FRZB: variants seen among roughly 807,000 people sequenced by gnomAD.
The protein encoded by FRZB is frizzled related protein.
FRZB carries 34 observed loss-of-function variants against 32.5 expected under a neutral mutation model. The ratio of observed to expected loss-of-function variants is 1.05; its 90% CI spans 0.80 to 1.39. FRZB has a LOEUF of 1.39. FRZB is among the 40% of genes most tolerant of loss of function. FRZB has a pLI of 0.00. For missense variants in FRZB, 423 were observed against 424.8 expected, an observed-to-expected ratio of 1.00 and a Z score of 0.04; for synonymous variants, 170 against 159.2, an observed-to-expected ratio of 1.07 and a Z score of -0.51.
intron 2 of FRZB, among the ~76,000 whole-genome samples, chr2:182,848,070 T>TA (rs11361784): frequency 0.04 from 5,576 of 139,758 alleles, 138 homozygotes; most frequent in South Asian, 0.12. Context: ...CTCAACATGG[T>TA]AAAAAAAAAA....
At chr2:182,860,419 A>T (rs186761743) in intron 1 of FRZB, among the ~76,000 whole-genome samples, 1 of 152,192 alleles carries the variant, frequency 6.6e-6, no homozygotes, top group East Asian at 1.9e-4. Flanking sequence ...AAGAGAGACC[A>T]TTATCATCCT....
intron 5 of FRZB, 123 bp from the exon 6 acceptor site, chr2:182,835,088 A>G: frequency 1.4e-6 from 1 of 706,368 alleles, no homozygotes. Flanking sequence ...ACTTTTCCAA[A>G]AGTATCAATC....
intron 2 of FRZB, among the ~76,000 whole-genome samples, chr2:182,857,044 A>G (rs994276627): frequency 1.3e-5 from 2 of 152,218 alleles, no homozygotes; most frequent in Admixed American, 1.3e-4. Context: ...ACCAAGACAG[A>G]TTATATCCTG....
intron 1 of FRZB, 82 bp downstream of exon 1, chr2:182,865,993 A>G (rs1695885751): frequency 1.3e-5 from 14 of 1,067,182 alleles, no homozygotes; most frequent in Non-Finnish European, 1.9e-5. Flanking sequence ...GAAAAAAATT[A>G]GAGAGTAAAG....
In FRZB at chr2:182,833,700, A is replaced by C. The variant is rs1010367942; in HGVS notation, c.*1149T>G. The C allele has an allele frequency of 1.3e-5, 2 of 152,108 alleles. No individual in the cohort carries two copies. The highest frequency in any genetic ancestry group is 4.8e-5 in the African/African-American group (2 of 41,418). The allele number at this position is 152,108 out of a possible 1,614,324, so 9.4% of individuals were successfully genotyped here. ...ACCTCTCTCCTGACAACCATAATTC[A>C]TTTTACTAGACATTTTTCGCTGAGC... On this transcript the variant is annotated 3_prime_UTR_variant, in exon 6 of 6. Transcript: ENST00000295113.
intron 5 of FRZB, among the ~76,000 whole-genome samples, chr2:182,835,895 T>A (rs1194157458): frequency 6.6e-6 from 1 of 152,112 alleles, no homozygotes; most frequent in Non-Finnish European, 1.5e-5. Flanking sequence ...CTCCACCACT[T>A]ACTGTGTGAA....
intron 2 of FRZB, among the ~76,000 whole-genome samples, chr2:182,853,280 A>G (rs966861807): frequency 2.8e-4 from 42 of 152,174 alleles, no homozygotes; most frequent in African/African-American, 9.4e-4. Context: ...TGTTTTTTGT[A>G]TATTGTTGAT....
Position 182,838,491 on chromosome 2 carries a change from T to C in FRZB, c.715A>G (p.Thr239Ala), listed in dbSNP as rs751192699. 50 of 1,612,882 alleles carry C rather than the reference T, an allele frequency of 3.1e-5. No homozygotes were observed. Among genetic ancestry groups the C allele is most frequent in the Admixed American group, 2.2e-4 (13 of 59,860 alleles). ...NIPRDTVNLY[T>A]SSGCLCPPLN... is the part of the protein sequence containing the mutation. ...GGAGGGCAGAGGCAGCCAGAGCTGG[T>C]ATAGAGGTTGACAGTGTCCCGTGGA... The change falls in exon 4 of 6, where the codon ACC becomes GCC. Residue 239 changes from threonine to alanine, a missense_variant. By Grantham distance (58) the Thr-to-Ala change is moderately conservative (BLOSUM62 0). Transcript: ENST00000295113.
At chr2:182,861,309 G>A (rs568796029) in intron 1 of FRZB, among the ~76,000 whole-genome samples, 1 of 152,136 alleles carries the variant, frequency 6.6e-6, no homozygotes, top group African/African-American at 2.4e-5. Context: ...CTGCTAACTT[G>A]GACAGTAACT....
At chr2:182,837,048 A>T (rs1695533005) in intron 5 of FRZB, among the ~76,000 whole-genome samples, 1 of 151,954 alleles carries the variant, frequency 6.6e-6, no homozygotes, top group African/African-American at 2.4e-5. Flanking sequence ...AAGGAAGAGG[A>T]TGTATTATGT....
intron 2 of FRZB, among the ~76,000 whole-genome samples, chr2:182,852,595 G>C (rs1327886771): frequency 6.6e-6 from 1 of 152,020 alleles, no homozygotes; most frequent in Non-Finnish European, 1.5e-5. Flanking sequence ...TCATAAATTG[G>C]TCACCCTCAC....
chr2:182,854,931 T>C (rs1406310879), intron 2 of FRZB, among the ~76,000 whole-genome samples: 1 of 152,204 alleles, frequency 6.6e-6, no homozygotes, highest in African/African-American at 2.4e-5. Flanking sequence ...TAAAGTTGTT[T>C]ATGAACTACT....
intron 2 of FRZB, among the ~76,000 whole-genome samples, chr2:182,858,292 A>G (rs73040099): frequency 0.038 from 5,740 of 152,316 alleles, 275 homozygotes; most frequent in African/African-American, 0.12. Flanking sequence ...ATGGTCATAC[A>G]TCCAAGTAAT....
Position 182,838,464 on chromosome 2 carries a change from G to T in FRZB, c.742C>A (p.Leu248Ile). The change falls in exon 4 of 6, where the codon CTT (leucine) becomes ATT (isoleucine). Residue 248 changes from leucine to isoleucine, a missense_variant. Transcript: ENST00000295113. ...YTSSGCLCPP[L>I]NVNEEYIIMG... ...ATGATATATTCCTCATTAACATTAA[G>T]TGGAGGGCAGAGGCAGCCAGAGCTG... 6.2e-7 allele frequency: 1 copy of T among 1,612,948 alleles called. No homozygotes were observed. Among genetic ancestry groups the T allele is most frequent in the Admixed American group, 1.7e-5 (1 of 59,894 alleles).
intron 2 of FRZB, among the ~76,000 whole-genome samples, chr2:182,855,191 G>T (rs1431163631): frequency 6.6e-6 from 1 of 152,112 alleles, no homozygotes; most frequent in Non-Finnish European, 1.5e-5. Flanking sequence ...ATTAAAAAAA[G>T]AAAATCAGCA....
intron 2 of FRZB, among the ~76,000 whole-genome samples, chr2:182,857,483 G>T (rs1018790775): frequency 2.0e-5 from 3 of 151,870 alleles, no homozygotes; most frequent in Non-Finnish European, 4.4e-5. Flanking sequence ...AGCTGGGTGT[G>T]GTGGTGCACA....
chr2:182,851,619 G>A (rs1055644239), intron 2 of FRZB, among the ~76,000 whole-genome samples: 2 of 151,782 alleles, frequency 1.3e-5, no homozygotes. Flanking sequence ...TCGTGCTATT[G>A]CACTCCAGCC....
rs1695503322 is a variant in FRZB, at chr2:182,834,632, A to G, written c.*217T>C. The G allele has an allele frequency of 5.7e-6, 3 of 523,042 alleles. No homozygotes were observed. The highest frequency in any genetic ancestry group is 3.8e-5 in the African/African-American group (2 of 52,868). The allele number at this position is 523,042 out of a possible 1,614,324, so 32.4% of individuals were successfully genotyped here. A position where few individuals can be genotyped will look rare whatever the true frequency, so the allele number is the denominator to read the frequency against. On this transcript the variant is annotated 3_prime_UTR_variant, in exon 6 of 6. Coordinates refer to ENST00000295113, the MANE Select transcript of FRZB (RefSeq NM_001463.4). ...TGATTAGTGAAATAGAAAACTCACA[A>G]TATACTTAAGAGTCTGCCCCCAAAC...
At chr2:182,865,147 GTGGT>G (rs1695876814) in intron 1 of FRZB, among the ~76,000 whole-genome samples, 1 of 152,020 alleles carries the variant, frequency 6.6e-6, no homozygotes, top group South Asian at 2.1e-4. Context: ...TGAAATGACT[GTGGT>G]TGGTGCACAC....
Sources: gnomAD v4.1 joint callset for allele counts (sites outside exome capture counted in the v4.1 genomes callset) on GRCh38, gnomAD v4.1.1 for gene constraint, MANE v1.5 for transcripts, NCBI Gene and HGNC (gene_info 2026-07-23, HGNC 2026-07-21) for gene names.